The following KCNB2 variants were observed in gnomAD, a reference collection of about 807,000 sequenced individuals.
KCNB2 encodes potassium voltage-gated channel subfamily B member 2, also known as delayed rectifier potassium channel protein.
In KCNB2, 15 loss-of-function variants were observed where a neutral mutation model predicts 61.5. That is an observed-to-expected ratio of 0.24 (90% CI 0.16 to 0.38). KCNB2 has a LOEUF of 0.38. KCNB2 is among the 10% of genes least tolerant of loss of function. The pLI is 1.00. For synonymous variants in KCNB2, 457 were observed against 446.0 expected (o/e 1.02, Z -0.31); for missense variants, 828 against 1,125.2 (o/e 0.74, Z 3.78).
At chr8:72,591,839 G>T (rs546654167) in intron 2 of KCNB2, among the ~76,000 whole-genome samples, 83 of 152,018 alleles carry the variant, frequency 5.5e-4, no homozygotes, top group Non-Finnish European at 1.6e-4. Flanking sequence ...AGATTATTTT[G>T]GCTATTATTT....
chr8:72,653,455 T>A (rs1431466705), intron 2 of KCNB2, among the ~76,000 whole-genome samples: 1 of 144,364 alleles, frequency 6.9e-6, no homozygotes, highest in Non-Finnish European at 1.5e-5. Flanking sequence ...CTTTTATTTT[T>A]ATTTTTTTTG....
At chr8:72,615,671 A>G (rs1805608910) in intron 2 of KCNB2, among the ~76,000 whole-genome samples, 1 of 152,224 alleles carries the variant, frequency 6.6e-6, no homozygotes, top group East Asian at 1.9e-4. Context: ...AATAATGTGG[A>G]AAATCATATA....
At chr8:72,856,954 C>T (rs1177274709) in intron 2 of KCNB2, among the ~76,000 whole-genome samples, 1 of 152,106 alleles carries the variant, frequency 6.6e-6, no homozygotes, top group African/African-American at 2.4e-5. Context: ...TATGGAAATG[C>T]AGAAGTAAAG....
chr8:72,641,864 G>C (rs1806061171), intron 2 of KCNB2, among the ~76,000 whole-genome samples: 1 of 152,170 alleles, frequency 6.6e-6, no homozygotes, highest in Non-Finnish European at 1.5e-5. Context: ...TGAGGAGCTA[G>C]ATGGTTGTTA....
In KCNB2 at chr8:72,924,514, C is replaced by T. The variant is rs371109534; in HGVS notation, c.580-11421C>T. Among the ~76,000 whole-genome samples, 5 of 152,276 alleles carry T rather than the reference C, an allele frequency of 3.3e-5. No individual in the cohort carries two copies. The East Asian group carries it at 7.7e-4, about 23-fold the overall frequency. On this transcript the variant is annotated intron_variant, in intron 2 of 2. Transcript: ENST00000523207. Reference sequence around the variant, plus strand: ...AGATTCTGCATTTCTAATCTGTTCCCAGGTGATGCTAAAGATTGAAGAACC... The same window carrying T: ...AGATTCTGCATTTCTAATCTGTTCCTAGGTGATGCTAAAGATTGAAGAACC...
At chr8:72,617,217 A>G (rs1805633357) in intron 2 of KCNB2, among the ~76,000 whole-genome samples, 1 of 152,010 alleles carries the variant, frequency 6.6e-6, no homozygotes, top group African/African-American at 2.4e-5. Context: ...CCTGTATACT[A>G]ATGTTGCCCC....
intron 2 of KCNB2, among the ~76,000 whole-genome samples, chr8:72,641,474 T>C (rs2128985729): frequency 6.6e-6 from 1 of 152,240 alleles, no homozygotes; most frequent in Admixed American, 6.5e-5. Context: ...TTTCCTTGCT[T>C]AGTTACTCCC....
intron 2 of KCNB2, among the ~76,000 whole-genome samples, chr8:72,779,831 G>A (rs1167280780): frequency 6.6e-6 from 1 of 152,164 alleles, no homozygotes; most frequent in African/African-American, 2.4e-5. Context: ...AATAATGAGA[G>A]CTGTATAAAA....
chr8:72,914,457 T>C (rs1806355777), intron 2 of KCNB2, among the ~76,000 whole-genome samples: 2 of 152,242 alleles, frequency 1.3e-5, no homozygotes, highest in South Asian at 4.1e-4. Context: ...TGCTTACTTA[T>C]GATTGAAAAC....
intron 2 of KCNB2, among the ~76,000 whole-genome samples, chr8:72,600,748 A>T (rs1286992840): frequency 6.6e-6 from 1 of 152,170 alleles, no homozygotes; most frequent in Non-Finnish European, 1.5e-5. Context: ...CAGAAAATCA[A>T]ATATCACACG....
At chr8:72,857,397 T>C (rs1810223056) in intron 2 of KCNB2, among the ~76,000 whole-genome samples, 1 of 152,176 alleles carries the variant, frequency 6.6e-6, no homozygotes, top group Admixed American at 6.5e-5. Flanking sequence ...TATAGTTATC[T>C]TGGCTTCCAG....
chr8:72,901,904 A>T (rs1806098735), intron 2 of KCNB2, among the ~76,000 whole-genome samples: 1 of 152,196 alleles, frequency 6.6e-6, no homozygotes, highest in Non-Finnish European at 1.5e-5. Context: ...TTTCTGTTGA[A>T]GTAGAAAACA....
intron 2 of KCNB2, among the ~76,000 whole-genome samples, chr8:72,613,347 T>A (rs1358641458): frequency 6.6e-6 from 1 of 152,196 alleles, no homozygotes; most frequent in Non-Finnish European, 1.5e-5. Context: ...ACTATGTCTA[T>A]GATGACTGAA....
intron 2 of KCNB2, among the ~76,000 whole-genome samples, chr8:72,719,477 T>C (rs1039630335): frequency 1.3e-5 from 2 of 152,212 alleles, no homozygotes; most frequent in African/African-American, 4.8e-5. Flanking sequence ...CTGTTGTGTT[T>C]ATTGCTAAAT....
intron 2 of KCNB2, among the ~76,000 whole-genome samples, chr8:72,863,783 G>A (rs1394379691): frequency 1.3e-5 from 2 of 152,200 alleles, no homozygotes; most frequent in Non-Finnish European, 2.9e-5. Flanking sequence ...GCCAAGGCAG[G>A]CAGATGGCTT....
intron 2 of KCNB2, among the ~76,000 whole-genome samples, chr8:72,827,151 T>G (rs1736829728): frequency 6.6e-6 from 1 of 152,268 alleles, no homozygotes; most frequent in East Asian, 1.9e-4. Flanking sequence ...GACCTTCATA[T>G]GATGGCTGAG....
chr8:72,746,762 G>A (rs956260250), intron 2 of KCNB2, among the ~76,000 whole-genome samples: 2 of 152,164 alleles, frequency 1.3e-5, no homozygotes, highest in African/African-American at 4.8e-5. Context: ...GGGAGATGAT[G>A]GCCACATGAC....
intron 2 of KCNB2, among the ~76,000 whole-genome samples, chr8:72,857,512 A>G (rs937351714): frequency 6.6e-6 from 1 of 151,812 alleles, no homozygotes; most frequent in Non-Finnish European, 1.5e-5. Flanking sequence ...TTGGAGGTCA[A>G]GTTCACAAAG....
chr8:72,619,324 C>T (rs1203102051), intron 2 of KCNB2: 2 of 607,348 alleles, frequency 3.3e-6, no homozygotes, highest in African/African-American at 1.9e-5. Flanking sequence ...TTCACACTCT[C>T]CATGAGAAGG....
Sources: gnomAD v4.1 joint callset for allele counts (sites outside exome capture counted in the v4.1 genomes callset) on GRCh38, gnomAD v4.1.1 for gene constraint, MANE v1.5 for transcripts, NCBI Gene and HGNC (gene_info 2026-07-23, HGNC 2026-07-21) for gene names.